GDF3: variants seen among roughly 807,000 people sequenced by gnomAD.
GDF3 encodes growth/differentiation factor 3.
A neutral mutation model predicts 10.2 loss-of-function variants in GDF3; 10 were observed. The ratio of observed to expected loss-of-function variants is 0.98; its 90% confidence interval spans 0.60 to 1.66. GDF3 has a LOEUF of 1.66. Ranked by LOEUF, GDF3 falls within the 40% of genes most tolerant of loss-of-function variation. The pLI is 0.00. For missense variants in GDF3, 450 were observed against 438.3 expected (o/e 1.03, Z -0.24); for synonymous variants, 166 against 178.5 (o/e 0.93, Z 0.56).
At position 7,695,108 on chromosome 12, in the gene GDF3, G is replaced by T. The variant is rs759458398; in HGVS notation, c.268+353C>A. On this transcript the variant is annotated intron_variant, in intron 1 of 1. Transcript: ENST00000329913. ...GCAGGATGTGTATATATGGGCTGCA[G>T]GGTGGGAGACTGAGCTCTGATTCCT... Among the ~76,000 whole-genome samples, 26 of 152,246 alleles carry T rather than the reference G, an allele frequency of 1.7e-4. No individual in the cohort carries two copies. In the South Asian group the frequency reaches 5.2e-3, roughly 30 times the overall value.
Position 7,692,044 on chromosome 12 carries a change from A to T in GDF3, c.269-1340T>A, listed in dbSNP as rs766784446. ...ATAAATAAAAAATAAAAAAAGTTTT[A>T]AAAAAATTTTAAAATGTATTTCAAT... On this transcript the variant is annotated intron_variant, in intron 1 of 1. Transcript: ENST00000329913. Among the ~76,000 whole-genome samples the T allele has an allele frequency of 2.1e-3, 315 of 152,116 alleles. 3 individuals are homozygous for T. The highest frequency in any genetic ancestry group is 6.8e-3 in the African/African-American group (281 of 41,546).
intron 1 of GDF3, among the ~76,000 whole-genome samples, chr12:7,692,947 T>C (rs1003285658): frequency 5.3e-5 from 8 of 151,912 alleles, no homozygotes; most frequent in African/African-American, 9.7e-5. Flanking sequence ...TCTCCTCATA[T>C]TGAAGTACAA....
chr12:7,695,540 G>C lies in GDF3; in HGVS notation c.189C>G (p.Thr63=). 6.2e-7 allele frequency: 1 copy of C among 1,614,014 alleles called. No individual in the cohort carries two copies. The highest frequency in any genetic ancestry group is 8.5e-7 in the Non-Finnish European group (1 of 1,179,924). The change falls in exon 1 of 2, where the codon ACC becomes ACG. Residue 63 remains threonine (T), a synonymous_variant. Coordinates refer to ENST00000329913, the MANE Select transcript of GDF3 (RefSeq NM_020634.3). The part of the protein sequence containing the change: ...KIFQDREAAA[T]TGVSRDLCYV... ...AGCATAAGTCTCGGGAGACCCCAGT[G>C]GTCGCTGCTGCCTCGCGATCCTGGA... is the stretch of plus-strand genomic sequence containing the variant.
At chr12:7,692,884 C>T (rs1244112833) in intron 1 of GDF3, among the ~76,000 whole-genome samples, 2 of 151,856 alleles carry the variant, frequency 1.3e-5, no homozygotes, top group Non-Finnish European at 2.9e-5. Flanking sequence ...CTCAAAGGAT[C>T]CTCCCACGTC....
rs142276060 is a variant in GDF3, at chr12:7,694,368, G to C, written c.268+1093C>G. ...ACCTGAAGTCAGGAGTTCAAGACCA[G>C]CCTGGCCAACATATAGTGAAACCCT... On this transcript the variant is annotated intron_variant, in intron 1 of 1. Coordinates refer to ENST00000329913, the MANE Select transcript of GDF3 (RefSeq NM_020634.3). 1.8e-3 allele frequency among the ~76,000 whole-genome samples: 281 copies of C among 152,004 alleles called. 2 individuals are homozygous for C. Among genetic ancestry groups the C allele is most frequent in the African/African-American group, 6.5e-3 (269 of 41,454 alleles).
chr12:7,694,748 G>C (rs1192093593), intron 1 of GDF3, among the ~76,000 whole-genome samples: 1 of 152,026 alleles, frequency 6.6e-6, no homozygotes, highest in Admixed American at 6.6e-5. Flanking sequence ...ACACCCGGGA[G>C]GTTGTATAGA....
chr12:7,695,398 C>A, intron 1 of GDF3, 63 bp downstream of exon 1: 1 of 1,446,474 alleles, frequency 6.9e-7, no homozygotes, highest in Non-Finnish European at 9.7e-7. Flanking sequence ...TTCCTATTGT[C>A]CTTTCCTTTC....
At chr12:7,693,615 A>T (rs2136878282) in intron 1 of GDF3, among the ~76,000 whole-genome samples, 1 of 151,638 alleles carries the variant, frequency 6.6e-6, no homozygotes, top group East Asian at 2.0e-4. Context: ...TAAGCACCCC[A>T]CCACCACACC....
chr12:7,689,989 C>T lies in GDF3; in HGVS notation c.984G>A (p.Val328=), dbSNP rs778565308. The T allele has an allele frequency of 1.2e-6, 2 of 1,613,948 alleles. No homozygotes were observed. The highest frequency in any genetic ancestry group is 1.7e-5 in the Admixed American group (1 of 59,976). ...HAVDPEIPQA[V]CIPTKLSPIS... The stretch of plus-strand genomic sequence containing the variant: ...TGGGAGACAGCTTGGTGGGGATACA[C>T]ACAGCCTGGGGGATCTCTGGGTCAA... Residue 328 remains valine (V), a synonymous_variant, in exon 2 of 2, where the codon GTG becomes GTA. Coordinates refer to ENST00000329913, the MANE Select transcript of GDF3 (RefSeq NM_020634.3).
Position 7,695,498 on chromosome 12 carries a change from G to A in GDF3, c.231C>T (p.Gly77=), listed in dbSNP as rs1448664549. 5 of 1,613,900 alleles carry A rather than the reference G, an allele frequency of 3.1e-6. No homozygotes were observed. The highest frequency in any genetic ancestry group is 4.2e-6 in the Non-Finnish European group (5 of 1,179,896). Residue 77 remains glycine, a synonymous_variant, in exon 1 of 2, where the codon GGC becomes GGT. Coordinates refer to ENST00000329913, the MANE Select transcript of GDF3 (RefSeq NM_020634.3). ...SRDLCYVKEL[G]VRGNVLRFLP... ...GAAAGCGAAGTACATTCCCGCGGAC[G>A]CCCAGCTCCTTTACGTAGCATAAGT...
At chr12:7,692,376 GC>G (rs1015176543) in intron 1 of GDF3, among the ~76,000 whole-genome samples, 4 of 151,136 alleles carry the variant, frequency 2.6e-5, no homozygotes, top group Non-Finnish European at 5.9e-5. Flanking sequence ...GTTGTGGTGA[GC>G]CGATATCACA....
rs71038719 is a variant in GDF3, at chr12:7,693,371, A to ATTTT, written c.268+2086_268+2089dup. Among the ~76,000 whole-genome samples the ATTTT allele has an allele frequency of 5.2e-3, 497 of 95,920 alleles. 3 individuals are homozygous for ATTTT. The highest frequency in any genetic ancestry group is 8.5e-3 in the African/African-American group (203 of 23,926). The allele number at this position is 95,920 out of a possible 152,430, so 62.9% of individuals were successfully genotyped here. A position where few individuals can be genotyped will look rare whatever the true frequency, so the allele number is the denominator to read the frequency against. On this transcript the variant is annotated intron_variant, in intron 1 of 1. Coordinates refer to ENST00000329913, the MANE Select transcript of GDF3 (RefSeq NM_020634.3). ...AGGCGCCCGCCACCACACCTGGCTA[A>ATTTT]TTTTTTTTTTTTTTTTTTTTGGTAT...
At position 7,695,722 on chromosome 12, in the gene GDF3, G is replaced by A. The variant is rs1402717557; in HGVS notation, c.7C>T (p.Arg3Cys). 3.7e-6 allele frequency: 6 copies of A among 1,614,004 alleles called. No homozygotes were observed. The highest frequency in any genetic ancestry group is 4.2e-6 in the Non-Finnish European group (5 of 1,180,010). The change falls in exon 1 of 2, where the codon CGT becomes TGT. Residue 3 changes from arginine to cysteine, a missense_variant. Coordinates refer to ENST00000329913, the MANE Select transcript of GDF3 (RefSeq NM_020634.3). Reference protein sequence around the residue: MLRFLPDLAFSFL... With the variant: MLCFLPDLAFSFL... Reference sequence around the variant, plus strand: ...CTGAAAGCCAAATCTGGCAAGAAACGAAGCATGGCCTCTGGAGTGGCTGTC... The same window carrying A: ...CTGAAAGCCAAATCTGGCAAGAAACAAAGCATGGCCTCTGGAGTGGCTGTC...
chr12:7,694,743 C>T (rs1197963660), intron 1 of GDF3, among the ~76,000 whole-genome samples: 9 of 151,960 alleles, frequency 5.9e-5, no homozygotes, highest in Non-Finnish European at 4.4e-5. Context: ...CTGAAACACC[C>T]GGGAGGTTGT....
At chr12:7,693,724 T>C (rs1864155301) in intron 1 of GDF3, among the ~76,000 whole-genome samples, 2 of 151,178 alleles carry the variant, frequency 1.3e-5, no homozygotes, top group African/African-American at 2.4e-5. Context: ...AGGCAGGCCA[T>C]TGCCTGAGCT....
In GDF3 at chr12:7,691,774, G is replaced by A. The variant is rs753189245; in HGVS notation, c.269-1070C>T. ...TGTAATCCCAGCACTTTGGGAGGCC[G>A]AGGCGGGCGGATCACGAGATGAGGA... On this transcript the variant is annotated intron_variant, in intron 1 of 1. Coordinates refer to ENST00000329913, the MANE Select transcript of GDF3 (RefSeq NM_020634.3). Among the ~76,000 whole-genome samples the A allele has an allele frequency of 2.8e-3, 396 of 143,246 alleles. 12 individuals carry two copies. In the South Asian group the frequency reaches 0.049, roughly 18 times the overall value. The allele number at this position is 143,246 out of a possible 152,430, so 94.0% of individuals were successfully genotyped here. A position where few individuals can be genotyped will look rare whatever the true frequency, so the allele number is the denominator to read the frequency against.
In GDF3 at chr12:7,690,305, G is replaced by T; in HGVS notation, c.668C>A (p.Ala223Asp). ...GVNFQPEDTCARLRCSLHASL... is the reference protein window; with the variant it reads ...GVNFQPEDTCDRLRCSLHASL... ...AGCATGAAGGGAGCATCTTAGTCTGGCACAGGTGTCTTCAGGCTGAAAATT... is the reference window on the plus strand; with the variant it reads ...AGCATGAAGGGAGCATCTTAGTCTGTCACAGGTGTCTTCAGGCTGAAAATT... Residue 223 changes from alanine (A) to aspartate (D), a missense_variant, in exon 2 of 2, where the codon GCC becomes GAC. By Grantham distance (126) the Ala-to-Asp change is moderately radical (BLOSUM62 -2). Transcript: ENST00000329913. 1.9e-6 allele frequency: 3 copies of T among 1,614,062 alleles called. No individual in the cohort carries two copies. Among genetic ancestry groups the T allele is most frequent in the Non-Finnish European group, 2.5e-6 (3 of 1,179,980 alleles).
Position 7,695,508 on chromosome 12 carries a change from T to C in GDF3, c.221A>G (p.Lys74Arg), listed in dbSNP as rs779295521. The C allele has an allele frequency of 1.2e-6, 2 of 1,614,108 alleles. No individual in the cohort carries two copies. Among genetic ancestry groups the C allele is most frequent in the South Asian group, 2.2e-5 (2 of 91,082 alleles). Residue 74 changes from lysine (K) to arginine (R), a missense_variant, in exon 1 of 2, where the codon AAG becomes AGG. Physicochemically the swap from Lys to Arg is conservative, Grantham distance 26 (BLOSUM62 2). Transcript: ENST00000329913. Reference protein sequence around the residue: ...TGVSRDLCYVKELGVRGNVLR... With the variant: ...TGVSRDLCYVRELGVRGNVLR... The stretch of plus-strand genomic sequence containing the variant: ...TACATTCCCGCGGACGCCCAGCTCC[T>C]TTACGTAGCATAAGTCTCGGGAGAC...
Position 7,690,312 on chromosome 12 carries a change from T to G in GDF3, c.661A>C (p.Thr221Pro), listed in dbSNP as rs748834598. The change falls in exon 2 of 2, where the codon ACC (threonine) becomes CCC (proline). Residue 221 changes from threonine to proline, a missense_variant. Physicochemically the swap from Thr to Pro is conservative, Grantham distance 38. Transcript: ENST00000329913. Reference protein sequence around the residue: ...DSGVNFQPEDTCARLRCSLHA... With the variant: ...DSGVNFQPEDPCARLRCSLHA... ...AGGGAGCATCTTAGTCTGGCACAGGTGTCTTCAGGCTGAAAATTCACCCCT... is the reference window on the plus strand; with the variant it reads ...AGGGAGCATCTTAGTCTGGCACAGGGGTCTTCAGGCTGAAAATTCACCCCT... 1.9e-6 allele frequency: 3 copies of G among 1,614,108 alleles called. No homozygotes were observed. The highest frequency in any genetic ancestry group is 2.5e-6 in the Non-Finnish European group (3 of 1,180,010).
Sources: gnomAD v4.1 joint callset for allele counts (sites outside exome capture counted in the v4.1 genomes callset) on GRCh38, gnomAD v4.1.1 for gene constraint, MANE v1.5 for transcripts, NCBI Gene and HGNC (gene_info 2026-07-23, HGNC 2026-07-21) for gene names.